The following NRG3 variants were observed in gnomAD, a reference collection of about 807,000 sequenced individuals.
NRG3 encodes the protein pro-neuregulin-3, membrane-bound isoform.
A neutral mutation model predicts 66.9 loss-of-function variants in NRG3; 31 were observed. That is an observed-to-expected ratio of 0.46 (90% CI 0.35 to 0.63). The LOEUF is 0.63. Ranked by LOEUF, NRG3 falls within the 20% of genes least tolerant of loss-of-function variation. The pLI, the probability that NRG3 is intolerant of heterozygous loss-of-function variation, is 0.00. For missense variants in NRG3, 910 were observed against 878.9 expected (o/e 1.04, Z -0.45); for synonymous variants, 393 against 359.4 (o/e 1.09, Z -1.06).
Position 82,985,755 on chromosome 10 carries a change from A to G in NRG3, c.*150A>G. ...CCCTCATATCATAGTGTTTTTTAAC[A>G]AAATATTTTTTTAAGGGAAAGAAAT... On this transcript the variant is annotated 3_prime_UTR_variant, in exon 9 of 9. Coordinates refer to ENST00000372141, the MANE Select transcript of NRG3 (RefSeq NM_001010848.4). 1 of 849,312 alleles carries G rather than the reference A, an allele frequency of 1.2e-6. No individual in the cohort carries two copies. Among genetic ancestry groups the G allele is most frequent in the Non-Finnish European group, 1.8e-6 (1 of 560,016 alleles). The allele number at this position is 849,312 out of a possible 1,614,324, so 52.6% of individuals were successfully genotyped here.
chr10:82,799,945 C>T (rs1346797368), intron 3 of NRG3: 1 of 152,120 alleles, frequency 6.6e-6, no homozygotes, highest in Non-Finnish European at 1.5e-5. Flanking sequence ...GTCCTGGCTC[C>T]ATGGAGGTCC....
intron 4 of NRG3, among the ~76,000 whole-genome samples, chr10:82,887,137 G>C (rs994188242): frequency 6.6e-6 from 1 of 152,164 alleles, no homozygotes; most frequent in African/African-American, 2.4e-5. Context: ...TATTTTCAAA[G>C]GGTGTTTGTA....
At chr10:82,382,161 T>C (rs1365648187) in intron 2 of NRG3, among the ~76,000 whole-genome samples, 1 of 152,092 alleles carries the variant, frequency 6.6e-6, no homozygotes, top group Non-Finnish European at 1.5e-5. Flanking sequence ...ATTATGTTTA[T>C]AGAGTGCACA....
intron 3 of NRG3, among the ~76,000 whole-genome samples, chr10:82,753,411 T>C (rs929752331): frequency 1.3e-5 from 2 of 152,022 alleles, no homozygotes; most frequent in Admixed American, 6.6e-5. Flanking sequence ...GATTATGACA[T>C]GAGATTGAAG....
intron 2 of NRG3, among the ~76,000 whole-genome samples, chr10:82,444,727 T>C (rs1407224317): frequency 6.6e-6 from 1 of 152,150 alleles, no homozygotes; most frequent in East Asian, 1.9e-4. Flanking sequence ...AAGTTTTCAT[T>C]GAAACTATAT....
chr10:82,792,940 C>T (rs2060649082), intron 3 of NRG3, among the ~76,000 whole-genome samples: 1 of 152,094 alleles, frequency 6.6e-6, no homozygotes, highest in Non-Finnish European at 1.5e-5. Flanking sequence ...CTCGGCGTCC[C>T]AAAGTGCTGG....
In NRG3 at chr10:82,598,420, C is replaced by T. The variant is rs941842788; in HGVS notation, c.954-140157C>T. Among the ~76,000 whole-genome samples the T allele has an allele frequency of 7.9e-5, 12 of 152,260 alleles. No individual in the cohort carries two copies. In the South Asian group the frequency reaches 8.3e-4, roughly 11 times the overall value. ...AAATGGGAGAAGGGCAATATGCACA[C>T]GAAGGTTGTGCCTGTGGAATTGAAC... On this transcript the variant is annotated intron_variant, in intron 2 of 8. Transcript: ENST00000372141.
chr10:82,000,286 A>G (rs1033029158), intron 1 of NRG3, among the ~76,000 whole-genome samples: 1 of 152,162 alleles, frequency 6.6e-6, no homozygotes, highest in Non-Finnish European at 1.5e-5. Flanking sequence ...AGCCGTTCTT[A>G]TGTCCATTTG....
chr10:82,481,841 G>A (rs963108140), intron 2 of NRG3, among the ~76,000 whole-genome samples: 16 of 152,084 alleles, frequency 1.1e-4, no homozygotes, highest in Non-Finnish European at 2.1e-4. Context: ...AAAAAAGTGA[G>A]CCAGGCATGG....
intron 1 of NRG3, among the ~76,000 whole-genome samples, chr10:82,022,744 C>T (rs1207241729): frequency 6.6e-6 from 1 of 151,988 alleles, no homozygotes; most frequent in African/African-American, 2.4e-5. Flanking sequence ...ATTTACTAGT[C>T]CCATTTGCAA....
intron 4 of NRG3, among the ~76,000 whole-genome samples, chr10:82,936,365 C>G (rs141599546): frequency 6.6e-6 from 1 of 151,878 alleles, no homozygotes; most frequent in Non-Finnish European, 1.5e-5. Flanking sequence ...CAAAGCAAGA[C>G]AAATACCACA....
chr10:82,644,943 T>C (rs554683115), intron 2 of NRG3, among the ~76,000 whole-genome samples: 36 of 152,286 alleles, frequency 2.4e-4, no homozygotes, highest in African/African-American at 7.9e-4. Flanking sequence ...TTCTTTCTTT[T>C]TTCTTAGGTG....
At chr10:82,977,932 T>A (rs1852455911) in intron 7 of NRG3, among the ~76,000 whole-genome samples, 1 of 152,238 alleles carries the variant, frequency 6.6e-6, no homozygotes, top group Admixed American at 6.5e-5. Context: ...AGAACCTTGA[T>A]AAATTTATTG....
At chr10:82,464,067 A>C (rs1446809587) in intron 2 of NRG3, among the ~76,000 whole-genome samples, 2 of 152,178 alleles carry the variant, frequency 1.3e-5, no homozygotes, top group Non-Finnish European at 2.9e-5. Context: ...CACTTACCCA[A>C]GTCTTATGAA....
chr10:82,410,459 A>G (rs2087980141), intron 2 of NRG3, among the ~76,000 whole-genome samples: 1 of 148,882 alleles, frequency 6.7e-6, no homozygotes, highest in African/African-American at 2.4e-5. Flanking sequence ...ACATATATAT[A>G]TATATGTATA....
intron 1 of NRG3, among the ~76,000 whole-genome samples, chr10:82,055,315 A>C (rs2063785240): frequency 6.6e-6 from 1 of 151,658 alleles, no homozygotes; most frequent in South Asian, 2.1e-4. Flanking sequence ...TCTCTACTAA[A>C]AATACAAAAA....
At chr10:82,555,890 C>G (rs1158013625) in intron 2 of NRG3, among the ~76,000 whole-genome samples, 1 of 152,114 alleles carries the variant, frequency 6.6e-6, no homozygotes, top group Non-Finnish European at 1.5e-5. Context: ...ATTTCTTCTA[C>G]CTGTTGTTTT....
rs577964774 is a variant in NRG3 at position 81,918,062 on chromosome 10, C to T, written c.823+41899C>T. On this transcript the variant is annotated intron_variant, in intron 1 of 8. Transcript: ENST00000372141. Reference sequence around the variant, plus strand: ...GCCATGCTCAGAAAATACAATGGATCTGTGTCCCGAGTGGAACAGAAATAG... The same window carrying T: ...GCCATGCTCAGAAAATACAATGGATTTGTGTCCCGAGTGGAACAGAAATAG... Among the ~76,000 whole-genome samples, 5 of 152,322 alleles carry T rather than the reference C, an allele frequency of 3.3e-5. No homozygotes were observed. In the South Asian group the frequency reaches 1.0e-3, roughly 32 times the overall value.
intron 2 of NRG3, among the ~76,000 whole-genome samples, chr10:82,686,808 C>T (rs2054550264): frequency 6.6e-6 from 1 of 152,160 alleles, no homozygotes; most frequent in African/African-American, 2.4e-5. Context: ...GCCCTTTCAA[C>T]CTGGTTTGAC....
Sources: gnomAD v4.1 joint callset for allele counts (sites outside exome capture counted in the v4.1 genomes callset) on GRCh38, gnomAD v4.1.1 for gene constraint, MANE v1.5 for transcripts, NCBI Gene and HGNC (gene_info 2026-07-23, HGNC 2026-07-21) for gene names.